PCNX1: variants seen among roughly 807,000 people sequenced by gnomAD.
PCNX1 encodes pecanex-like protein 1.
In PCNX1, 78 loss-of-function variants were observed where a neutral mutation model predicts 242.2. That is an observed-to-expected ratio of 0.32 (90% CI 0.27 to 0.39). The LOEUF (loss-of-function observed/expected upper bound fraction) is 0.39. Ranked by LOEUF, PCNX1 falls within the 10% of genes least tolerant of loss-of-function variation. The pLI, the probability that PCNX1 is intolerant of heterozygous loss-of-function variation, is 1.00. For missense variants in PCNX1, 2,581 were observed against 2,856.5 expected, an observed-to-expected ratio of 0.90 and a Z score of 2.20; for synonymous variants, 1,024 against 1,032.9, an observed-to-expected ratio of 0.99 and a Z score of 0.17.
rs569941702 is a variant in PCNX1 at position 71,105,997 on chromosome 14, A to G, written c.6301+557A>G. On this transcript the variant is annotated intron_variant, in intron 33 of 35. Coordinates refer to ENST00000304743, the MANE Select transcript of PCNX1 (RefSeq NM_014982.3). ...AATATATTAAGGATTCTTTGAAAAT[A>G]TAATTTTTATTTTTTTTATTATTTT... 3.6e-3 allele frequency among the ~76,000 whole-genome samples: 547 copies of G among 150,696 alleles called. 1 individual carries two copies. The highest frequency in any genetic ancestry group is 0.013 in the African/African-American group (531 of 41,280).
intron 20 of PCNX1, among the ~76,000 whole-genome samples, chr14:71,046,305 A>C (rs1348131964): frequency 6.6e-6 from 1 of 152,114 alleles, no homozygotes; most frequent in African/African-American, 2.4e-5. Context: ...ACTTTTCATT[A>C]AAATAAATTA....
At chr14:71,014,010 G>A (rs770356324) in intron 11 of PCNX1, among the ~76,000 whole-genome samples, 11 of 152,192 alleles carry the variant, frequency 7.2e-5, no homozygotes, top group Non-Finnish European at 1.3e-4. Flanking sequence ...ATATGTTCCT[G>A]TATGTGAGGA....
chr14:70,973,295 G>A (rs569873183), intron 5 of PCNX1, among the ~76,000 whole-genome samples: 24 of 151,438 alleles, frequency 1.6e-4, no homozygotes, highest in African/African-American at 5.3e-4. Context: ...TTTAAGATGT[G>A]AACCCTGAGC....
intron 2 of PCNX1, among the ~76,000 whole-genome samples, chr14:70,948,926 T>C (rs1363944870): frequency 1.4e-5 from 2 of 147,424 alleles, no homozygotes; most frequent in African/African-American, 5.0e-5. Flanking sequence ...TATGTGTATA[T>C]ATGTACATAT....
intron 26 of PCNX1, among the ~76,000 whole-genome samples, chr14:71,067,339 G>A (rs1298571551): frequency 6.6e-6 from 1 of 152,050 alleles, no homozygotes; most frequent in African/African-American, 2.4e-5. Flanking sequence ...GTTTATATGT[G>A]GGAGGGTGTA....
Position 71,037,603 on chromosome 14 carries a change from A to G in PCNX1, c.3867+1446A>G, listed in dbSNP as rs1243788127. On this transcript the variant is annotated intron_variant, in intron 19 of 35. Coordinates refer to ENST00000304743, the MANE Select transcript of PCNX1 (RefSeq NM_014982.3). The stretch of plus-strand genomic sequence containing the variant: ...TGCTGGATTACATTTATTGATTTGC[A>G]TATATTGAACCAGCCTTGCATCCCA... 4.0e-5 allele frequency among the ~76,000 whole-genome samples: 6 copies of G among 149,918 alleles called. No individual in the cohort carries two copies. In the East Asian group the frequency reaches 5.9e-4, roughly 15 times the overall value.
chr14:70,943,787 G>GA (rs2057355794), intron 1 of PCNX1, among the ~76,000 whole-genome samples: 2 of 94 alleles, frequency 0.021, no homozygotes, highest in South Asian at 0.5. Flanking sequence ...TCTTGGGCGA[G>GA]GCCAGGGCCT....
chr14:71,045,009 T>C, intron 19 of PCNX1, 124 bp from the exon 20 acceptor site: 1 of 651,486 alleles, frequency 1.5e-6, no homozygotes, highest in Non-Finnish European at 2.6e-6. Flanking sequence ...GAAAAATGTT[T>C]AGTTCTTATA....
chr14:70,940,419 G>A (rs935561207), intron 1 of PCNX1, among the ~76,000 whole-genome samples: 3 of 152,156 alleles, frequency 2.0e-5, no homozygotes, highest in Admixed American at 6.6e-5. Context: ...ATTCTGGGTT[G>A]AAAATTCTTT....
At chr14:71,068,368 A>G (rs1024347293) in intron 26 of PCNX1, among the ~76,000 whole-genome samples, 1 of 150,784 alleles carries the variant, frequency 6.6e-6, no homozygotes, top group African/African-American at 2.4e-5. Context: ...GTATACATAC[A>G]TGTATACATA....
At chr14:71,031,770 AG>A (rs2060391574) in intron 16 of PCNX1, 2 of 1,381,042 alleles carry the variant, frequency 1.4e-6, no homozygotes, top group Non-Finnish European at 2.1e-6. Flanking sequence ...GAAACTTCTC[AG>A]CCTCTTCCTA....
chr14:70,979,667 T>G (rs531706458), intron 6 of PCNX1, among the ~76,000 whole-genome samples: 206 of 152,268 alleles, frequency 1.4e-3, no homozygotes, highest in South Asian at 2.3e-3. Flanking sequence ...GGATTTTGTT[T>G]GTACAAACAT....
At chr14:70,909,560 G>A (rs374861350) in intron 1 of PCNX1, among the ~76,000 whole-genome samples, 1 of 152,158 alleles carries the variant, frequency 6.6e-6, no homozygotes, top group East Asian at 1.9e-4. Flanking sequence ...TTTTTGAGAG[G>A]TAAGGATTAG....
intron 33 of PCNX1, among the ~76,000 whole-genome samples, chr14:71,107,499 A>T (rs1451384153): frequency 6.6e-6 from 1 of 152,152 alleles, no homozygotes; most frequent in Non-Finnish European, 1.5e-5. Flanking sequence ...TCTTACCTTG[A>T]TTAGCTCTTT....
At chr14:70,954,599 A>T (rs1037629796) in intron 2 of PCNX1, among the ~76,000 whole-genome samples, 1 of 152,186 alleles carries the variant, frequency 6.6e-6, no homozygotes, top group African/African-American at 2.4e-5. Context: ...ATGATTTTAT[A>T]GTATTTATGC....
At chr14:70,940,029 A>G (rs61988727) in intron 1 of PCNX1, among the ~76,000 whole-genome samples, 2,144 of 152,232 alleles carry the variant, frequency 0.014, 24 homozygotes, top group Middle Eastern at 0.034. Flanking sequence ...GTCCCTGCAC[A>G]TGAGATGGGT....
At chr14:71,073,007 A>AT (rs1159277364) in intron 26 of PCNX1, among the ~76,000 whole-genome samples, 1 of 152,254 alleles carries the variant, frequency 6.6e-6, no homozygotes, top group Non-Finnish European at 1.5e-5. Flanking sequence ...TACCACACGA[A>AT]TTATCAGACC....
chr14:71,088,076 T>G (rs1344196094), intron 28 of PCNX1, among the ~76,000 whole-genome samples: 1 of 152,152 alleles, frequency 6.6e-6, no homozygotes, highest in Non-Finnish European at 1.5e-5. Flanking sequence ...ATCCTAATAT[T>G]TTATAATAGA....
At chr14:71,049,203 T>G in intron 22 of PCNX1, 9 of 501,068 alleles carry the variant, frequency 1.8e-5, no homozygotes, top group Non-Finnish European at 2.3e-5. Context: ...TTGGATTTTC[T>G]TAATACTTTT....
Sources: gnomAD v4.1 joint callset for allele counts (sites outside exome capture counted in the v4.1 genomes callset) on GRCh38, gnomAD v4.1.1 for gene constraint, MANE v1.5 for transcripts, NCBI Gene and HGNC (gene_info 2026-07-23, HGNC 2026-07-21) for gene names.